Variants in CNKSR3 observed in about 807,000 individuals in gnomAD.
CNKSR3 encodes connector enhancer of kinase suppressor of ras 3.
CNKSR3 carries 36 observed loss-of-function variants against 67.7 expected under a neutral mutation model. The ratio of observed to expected loss-of-function variants is 0.53; its 90% CI spans 0.41 to 0.70. The LOEUF (loss-of-function observed/expected upper bound fraction) is 0.70, where lower values mean the gene tolerates loss of function less well. Ranked by LOEUF, CNKSR3 falls within the 30% of genes least tolerant of loss-of-function variation. CNKSR3 has a pLI of 0.00. For synonymous variants in CNKSR3, 281 were observed against 271.4 expected (o/e 1.04, Z -0.35); for missense variants, 630 against 695.2 (o/e 0.91, Z 1.05).
At position 154,450,369 on chromosome 6, in the gene CNKSR3, T is replaced by C. The variant is rs546642230; in HGVS notation, c.53-111A>G. ...CAGCAATCAACAATTATGATGCCAC[T>C]ATCTGGTTATCTATGTGAGGCCTAT... On this transcript the variant is annotated intron_variant, in intron 1 of 12. Transcript: ENST00000607772. 6 of 1,103,354 alleles carry C rather than the reference T, an allele frequency of 5.4e-6. No individual in the cohort carries two copies. In the African/African-American group the frequency reaches 9.3e-5, roughly 17 times the overall value. 68.3% of individuals were successfully genotyped at this position (1,103,354 alleles called of 1,614,324 possible).
chr6:154,414,513 C>T (rs999328370), intron 9 of CNKSR3, 90 bp from the exon 10 acceptor site: 4 of 1,370,366 alleles, frequency 2.9e-6, no homozygotes, highest in Non-Finnish European at 4.1e-6. Context: ...AAACCAACAC[C>T]AACCCCGTGT....
intron 2 of CNKSR3, among the ~76,000 whole-genome samples, chr6:154,447,378 G>C (rs561800097): frequency 6.6e-6 from 1 of 152,062 alleles, no homozygotes; most frequent in Non-Finnish European, 1.5e-5. Flanking sequence ...CTACTGAAAA[G>C]AGCAGCTCTA....
intron 9 of CNKSR3, among the ~76,000 whole-genome samples, chr6:154,415,541 G>T (rs1457842852): frequency 6.6e-6 from 1 of 152,092 alleles, no homozygotes; most frequent in Admixed American, 6.5e-5. Flanking sequence ...CTTATTAGCT[G>T]TTTATTGTTG....
At chr6:154,437,138 A>C (rs1785487411) in intron 4 of CNKSR3, among the ~76,000 whole-genome samples, 1 of 152,152 alleles carries the variant, frequency 6.6e-6, no homozygotes, top group African/African-American at 2.4e-5. Flanking sequence ...GTTCTTTGTC[A>C]CTGGAAAGAG....
chr6:154,441,490 T>A, intron 3 of CNKSR3, 111 bp from the exon 4 acceptor site: 1 of 766,216 alleles, frequency 1.3e-6, no homozygotes, highest in Non-Finnish European at 2.2e-6. Context: ...TCCTTTTTGT[T>A]TTGTTTTGTT....
chr6:154,490,236 C>T (rs1338835783), intron 1 of CNKSR3, among the ~76,000 whole-genome samples: 1 of 152,162 alleles, frequency 6.6e-6, no homozygotes, highest in Non-Finnish European at 1.5e-5. Flanking sequence ...CCCTGGAGAT[C>T]CAGGAGCTTC....
chr6:154,508,852 G>A (rs1031168668), intron 1 of CNKSR3, among the ~76,000 whole-genome samples: 9 of 152,162 alleles, frequency 5.9e-5, no homozygotes, highest in Admixed American at 2.0e-4. Flanking sequence ...CCTATTCCAC[G>A]TGGTCTATGT....
rs1418449452 is a variant in CNKSR3, at chr6:154,399,082, A to G, written c.*7272T>C. On this transcript the variant is annotated 3_prime_UTR_variant, in exon 13 of 13. Coordinates refer to ENST00000607772, the MANE Select transcript of CNKSR3 (RefSeq NM_173515.4). ...CAACAAGACTGAAACTCCGTCTCAA[A>G]AAAAAAAAAAAAAGTGTGTCCAATC... 1 of 150,804 alleles carries G rather than the reference A, an allele frequency of 6.6e-6. No individual in the cohort carries two copies. The highest frequency in any genetic ancestry group is 6.6e-5 in the Admixed American group (1 of 15,048). The allele number at this position is 150,804 out of a possible 1,614,324, so 9.3% of individuals were successfully genotyped here. A position where few individuals can be genotyped will look rare whatever the true frequency, so the allele number is the denominator to read the frequency against.
chr6:154,498,967 G>C (rs964469135), intron 1 of CNKSR3, among the ~76,000 whole-genome samples: 6 of 152,124 alleles, frequency 3.9e-5, no homozygotes, highest in Non-Finnish European at 7.3e-5. Context: ...TCCCCTATTC[G>C]AGTCAGGTCT....
intron 6 of CNKSR3, 39 bp from the exon 7 acceptor site, chr6:154,428,226 C>A: frequency 3.1e-6 from 4 of 1,301,656 alleles, no homozygotes; most frequent in Non-Finnish European, 4.5e-6. Context: ...ATTACTCCAA[C>A]GTTTAGAGAC....
intron 1 of CNKSR3, among the ~76,000 whole-genome samples, chr6:154,484,657 G>A (rs1281101111): frequency 7.3e-6 from 1 of 136,210 alleles, no homozygotes; most frequent in Non-Finnish European, 1.5e-5. Context: ...AGCTAAGATC[G>A]CATCATTGCA....
rs1413112303 is a variant in CNKSR3, at chr6:154,399,438, C to T, written c.*6916G>A. 1 of 152,098 alleles carries T rather than the reference C, an allele frequency of 6.6e-6. No individual in the cohort carries two copies. Among genetic ancestry groups the T allele is most frequent in the Non-Finnish European group, 1.5e-5 (1 of 68,036 alleles). 9.4% of individuals were successfully genotyped at this position (152,098 alleles called of 1,614,324 possible). ...TCACCATAAGCCTTCGAAGTAGATG[C>T]TAGTATTATCCCCATTTCATAGATA... On this transcript the variant is annotated 3_prime_UTR_variant, in exon 13 of 13. Transcript: ENST00000607772.
At chr6:154,429,482 T>C (rs770353271) in intron 6 of CNKSR3, among the ~76,000 whole-genome samples, 1 of 152,206 alleles carries the variant, frequency 6.6e-6, no homozygotes, top group Non-Finnish European at 1.5e-5. Context: ...TCAGGACATT[T>C]ATCTGCTTAA....
rs1323307586 is a variant in CNKSR3 at position 154,441,377 on chromosome 6, G to A, written c.422C>T (p.Ala141Val). The A allele has an allele frequency of 6.2e-7, 1 of 1,612,684 alleles. No homozygotes were observed. Among genetic ancestry groups the A allele is most frequent in the Admixed American group, 1.7e-5 (1 of 59,970 alleles). Residue 141 changes from alanine (A) to valine (V), a missense_variant and splice_region_variant, in exon 4 of 13, where the codon GCT becomes GTT. Transcript: ENST00000607772. ...AKALLAWLDR[A>V]PFTGITDFSV... is the part of the protein sequence containing the mutation. ...GAAATCAGTGATCCCTGTAAACGGA[G>A]CCCTAGAAGGTAGCAACAATCCTCT... is the stretch of plus-strand genomic sequence containing the variant.
chr6:154,469,189 C>T (rs999938811), intron 1 of CNKSR3, among the ~76,000 whole-genome samples: 2 of 152,098 alleles, frequency 1.3e-5, no homozygotes, highest in Non-Finnish European at 2.9e-5. Flanking sequence ...GTTAATCTGG[C>T]AAGACTGAAC....
rs923899767 is a variant in CNKSR3 at position 154,425,408 on chromosome 6, G to A, written c.730-2425C>T. 9.8e-5 allele frequency among the ~76,000 whole-genome samples: 15 copies of A among 152,326 alleles called. 2 individuals are homozygous for A. Among genetic ancestry groups the A allele is most frequent in the Admixed American group, 1.3e-4 (2 of 15,304 alleles). On this transcript the variant is annotated intron_variant, in intron 7 of 12. Coordinates refer to ENST00000607772, the MANE Select transcript of CNKSR3 (RefSeq NM_173515.4). ...AAGAGTTGTGTTTGGCAGAACACTG[G>A]TAAAGAGAGAGCTTGGTACCAAAAT...
intron 1 of CNKSR3, among the ~76,000 whole-genome samples, chr6:154,505,025 A>G (rs1787070307): frequency 6.6e-6 from 1 of 151,586 alleles, no homozygotes; most frequent in Admixed American, 6.6e-5. Flanking sequence ...GCTTTTCTGA[A>G]CTATGGCCAA....
At chr6:154,470,473 G>A (rs868404749) in intron 1 of CNKSR3, among the ~76,000 whole-genome samples, 3 of 152,052 alleles carry the variant, frequency 2.0e-5, no homozygotes, top group South Asian at 2.1e-4. Flanking sequence ...TGCTGAGAAC[G>A]AATGTACTTT....
intron 4 of CNKSR3, chr6:154,433,911 G>A (rs1490530301): frequency 6.2e-6 from 1 of 160,898 alleles, no homozygotes; most frequent in Non-Finnish European, 1.3e-5. Context: ...CCAACAAGCT[G>A]GCAGTCTTTA....
Sources: gnomAD v4.1 joint callset for allele counts (sites outside exome capture counted in the v4.1 genomes callset) on GRCh38, gnomAD v4.1.1 for gene constraint, MANE v1.5 for transcripts, NCBI Gene and HGNC (gene_info 2026-07-23, HGNC 2026-07-21) for gene names.